Variants in PTPN12 observed in about 807,000 individuals in gnomAD.
PTPN12 encodes protein tyrosine phosphatase non-receptor type 12, also known as tyrosine-protein phosphatase non-receptor type 12.
PTPN12 carries 29 observed loss-of-function variants against 97.6 expected under a neutral mutation model. The observed-to-expected ratio is 0.30, with a 90% CI of 0.22 to 0.41. The LOEUF (loss-of-function observed/expected upper bound fraction) is 0.41. Ranked by LOEUF, PTPN12 falls within the 10% of genes least tolerant of loss-of-function variation. The pLI, the probability that PTPN12 is intolerant of heterozygous loss-of-function variation, is 1.00. For synonymous variants in PTPN12, 327 were observed against 300.4 expected, an observed-to-expected ratio of 1.09 and a Z score of -0.91; for missense variants, 819 against 926.0, an observed-to-expected ratio of 0.88 and a Z score of 1.50.
intron 1 of PTPN12, among the ~76,000 whole-genome samples, chr7:77,561,736 T>C (rs1170976259): frequency 6.6e-6 from 1 of 151,610 alleles, no homozygotes; most frequent in Non-Finnish European, 1.5e-5. Context: ...TAGAACTTAA[T>C]ATTCTCAATT....
rs773037726 is a variant in PTPN12 at position 77,603,883 on chromosome 7, C to CTTTTTTTTT, written c.695+3092_695+3100dup. ...ATACTGTGTGTTATCTTTTTGTTTG[C>CTTTTTTTTT]TTTTTTTTTTTTTTTTTTTTTTTGA... On this transcript the variant is annotated intron_variant, in intron 8 of 17. Coordinates refer to ENST00000248594, the MANE Select transcript of PTPN12 (RefSeq NM_002835.4). Among the ~76,000 whole-genome samples, 11 of 87,870 alleles carry CTTTTTTTTT rather than the reference C, an allele frequency of 1.3e-4. 1 individual carries two copies. Among genetic ancestry groups the CTTTTTTTTT allele is most frequent in the Non-Finnish European group, 1.9e-4 (9 of 48,094 alleles). The allele number at this position is 87,870 out of a possible 152,430, so 57.6% of individuals were successfully genotyped here.
intron 1 of PTPN12, chr7:77,537,978 C>CGT (rs931527627): frequency 3.9e-6 from 3 of 767,420 alleles, no homozygotes; most frequent in Non-Finnish European, 4.7e-6. Context: ...AGGTGCAGGC[C>CGT]GGGGGGGGGG....
At chr7:77,589,734 CTATT>C (rs1289667388) in intron 5 of PTPN12, among the ~76,000 whole-genome samples, 1 of 151,968 alleles carries the variant, frequency 6.6e-6, no homozygotes, top group Admixed American at 6.6e-5. Flanking sequence ...ATCAAGTTAT[CTATT>C]TAAGGGTTGT....
chr7:77,580,282 G>A (rs938869523), intron 2 of PTPN12, among the ~76,000 whole-genome samples: 1 of 152,200 alleles, frequency 6.6e-6, no homozygotes, highest in Non-Finnish European at 1.5e-5. Context: ...AGCTATGATT[G>A]CAGCACTGCA....
At chr7:77,547,228 A>G (rs1178435905) in intron 1 of PTPN12, among the ~76,000 whole-genome samples, 1 of 152,186 alleles carries the variant, frequency 6.6e-6, no homozygotes, top group Non-Finnish European at 1.5e-5. Flanking sequence ...AGTGCCCACT[A>G]TGCCCTAGGT....
At chr7:77,621,666 A>C (rs999091199) in intron 12 of PTPN12, among the ~76,000 whole-genome samples, 2 of 143,864 alleles carry the variant, frequency 1.4e-5, no homozygotes, top group East Asian at 3.9e-4. Flanking sequence ...GCGAGACTCC[A>C]TCTCAAAAAA....
At chr7:77,626,333 A>G (rs1789179261) in intron 12 of PTPN12, among the ~76,000 whole-genome samples, 1 of 152,230 alleles carries the variant, frequency 6.6e-6, no homozygotes, top group Non-Finnish European at 1.5e-5. Flanking sequence ...AGAGAAGGAC[A>G]CTTCCACAGT....
chr7:77,581,321 T>G (rs1265032498), intron 2 of PTPN12, 106 bp from the exon 3 acceptor site: 4 of 596,398 alleles, frequency 6.7e-6, no homozygotes, highest in South Asian at 5.9e-5. Context: ...TCATCCATTG[T>G]TTTTTAAAAT....
In PTPN12 at chr7:77,632,375, C is replaced by T; in HGVS notation, c.2024C>T (p.Pro675Leu). Reference sequence around the variant, plus strand: ...GTTGATGTTAGTGAAGATTCACCTCCTCCCCTACCTGAAAGAACTCCTGAA... The same window carrying T: ...GTTGATGTTAGTGAAGATTCACCTCTTCCCCTACCTGAAAGAACTCCTGAA... ...KDVDVSEDSP[P>L]PLPERTPESF... Residue 675 changes from proline (P) to leucine (L), a missense_variant, in exon 14 of 18, where the codon CCT becomes CTT. By Grantham distance (98) the Pro-to-Leu change is moderately conservative (BLOSUM62 -3). Coordinates refer to ENST00000248594, the MANE Select transcript of PTPN12 (RefSeq NM_002835.4). 1 of 1,610,588 alleles carries T rather than the reference C, an allele frequency of 6.2e-7. No homozygotes were observed. Among genetic ancestry groups the T allele is most frequent in the Non-Finnish European group, 8.5e-7 (1 of 1,176,936 alleles).
chr7:77,625,002 G>A (rs1480538073), intron 12 of PTPN12, among the ~76,000 whole-genome samples: 1 of 151,902 alleles, frequency 6.6e-6, no homozygotes, highest in African/African-American at 2.4e-5. Context: ...AGGTGTGGTG[G>A]CATGTGCCTG....
intron 17 of PTPN12, 87 bp downstream of exon 17, chr7:77,638,818 G>A: frequency 6.8e-7 from 1 of 1,467,242 alleles, no homozygotes; most frequent in Non-Finnish European, 9.0e-7. Context: ...AATGACACTT[G>A]CCAAGAATAA....
chr7:77,637,857 CAAAAAAAAAA>C (rs754983873), intron 16 of PTPN12, among the ~76,000 whole-genome samples: 2 of 55,622 alleles, frequency 3.6e-5, no homozygotes, highest in Admixed American at 3.0e-4. Context: ...AACTCCGTCT[CAAAAAAAAAA>C]AAAAAAAAAC....
chr7:77,545,755 A>G (rs932088814), intron 1 of PTPN12: 2 of 152,140 alleles, frequency 1.3e-5, no homozygotes, highest in African/African-American at 4.8e-5. Context: ...CCTTCTTAAC[A>G]TAATGTCACA....
At chr7:77,623,716 T>TA (rs1562757459) in intron 12 of PTPN12, among the ~76,000 whole-genome samples, 1 of 152,122 alleles carries the variant, frequency 6.6e-6, no homozygotes, top group African/African-American at 2.4e-5. Context: ...TCTGTCTCAA[T>TA]AAAAAATATG....
At chr7:77,556,478 A>G (rs1238875950) in intron 1 of PTPN12, among the ~76,000 whole-genome samples, 1 of 152,138 alleles carries the variant, frequency 6.6e-6, no homozygotes, top group Non-Finnish European at 1.5e-5. Flanking sequence ...TACCTCATGT[A>G]AATAAGGCTC....
intron 1 of PTPN12, among the ~76,000 whole-genome samples, chr7:77,565,735 A>G (rs1023160808): frequency 2.6e-5 from 4 of 152,220 alleles, no homozygotes; most frequent in African/African-American, 9.7e-5. Context: ...GGGGAATACA[A>G]ATTTAGTGTT....
At chr7:77,628,508 A>G (rs968552293) in intron 13 of PTPN12, among the ~76,000 whole-genome samples, 1 of 152,126 alleles carries the variant, frequency 6.6e-6, no homozygotes, top group Non-Finnish European at 1.5e-5. Context: ...AGTGACACAT[A>G]CAGACTGGTA....
At chr7:77,563,080 C>G (rs1808073293) in intron 1 of PTPN12, among the ~76,000 whole-genome samples, 2 of 151,870 alleles carry the variant, frequency 1.3e-5, no homozygotes, top group South Asian at 4.1e-4. Flanking sequence ...AAAACATTCT[C>G]AAAATCAAGG....
chr7:77,611,053 G>C lies in PTPN12; in HGVS notation c.939+7G>C. ...GAAAATTGCTGATGGAGTGGTAGGT[G>C]TTCTTGGTCTATTAATTTTAGGAAA... On this transcript the variant is annotated splice_region_variant and intron_variant, in intron 11 of 17. Coordinates refer to ENST00000248594, the MANE Select transcript of PTPN12 (RefSeq NM_002835.4). 2.5e-6 allele frequency: 4 copies of C among 1,588,736 alleles called. No individual in the cohort carries two copies. The highest frequency in any genetic ancestry group is 3.4e-6 in the Non-Finnish European group (4 of 1,164,410).
Sources: allele counts gnomAD v4.1 joint callset (sites outside exome capture counted in the v4.1 genomes callset), GRCh38; gene constraint gnomAD v4.1.1; transcripts MANE v1.5; gene names NCBI Gene and HGNC (gene_info 2026-07-23, HGNC 2026-07-21).